The following ZNF276 variants were observed in gnomAD, a reference collection of about 807,000 sequenced individuals.
ZNF276 encodes centromere protein Z.
Under a neutral mutation model 63.9 loss-of-function variants are expected in ZNF276, and 59 were observed. That is an observed-to-expected ratio of 0.92 (90% CI 0.75 to 1.15). The LOEUF (loss-of-function observed/expected upper bound fraction) is 1.15. Ranked by LOEUF, ZNF276 falls within the 50% of genes most tolerant of loss-of-function variation. ZNF276 has a pLI of 0.00. For synonymous variants in ZNF276, 496 were observed against 348.4 expected (o/e 1.42, Z -4.72); for missense variants, 1,084 against 843.8 (o/e 1.28, Z -3.53).
At chr16:89,729,112 A>AT in intron 5 of ZNF276, 123 bp from the exon 6 acceptor site, 1 of 797,126 alleles carries the variant, frequency 1.3e-6, no homozygotes, top group South Asian at 1.7e-5. Context: ...GATTTAAGAC[A>AT]TTTTCAGAAG....
At chr16:89,725,847 C>G (rs1012074268) in intron 4 of ZNF276, among the ~76,000 whole-genome samples, 1 of 152,202 alleles carries the variant, frequency 6.6e-6, no homozygotes, top group Non-Finnish European at 1.5e-5. Context: ...GGGTCTCACT[C>G]TTTTGCCCAG....
intron 9 of ZNF276, 75 bp downstream of exon 9, chr16:89,734,113 C>T (rs1374670733): frequency 5.7e-6 from 8 of 1,392,888 alleles, no homozygotes; most frequent in Non-Finnish European, 8.0e-6. Flanking sequence ...CTTCCTCATA[C>T]CCATCCCCGC....
rs760640860 is a variant in ZNF276 at position 89,733,530 on chromosome 16, C to G, written c.1329C>G (p.Ala443=). 4 of 1,613,998 alleles carry G rather than the reference C, an allele frequency of 2.5e-6. No homozygotes were observed. The highest frequency in any genetic ancestry group is 2.7e-5 in the African/African-American group (2 of 74,938). ...IYKCPYQGCT[A]VYRGADGMKK... is the part of the protein sequence containing the mutation. ...AGTGTCCTTACCAGGGCTGCACGGCCGTGTACCGAGGCGCTGACGGCATGA... is the reference window on the plus strand; with the variant it reads ...AGTGTCCTTACCAGGGCTGCACGGCGGTGTACCGAGGCGCTGACGGCATGA... The change falls in exon 8 of 11, where the codon GCC becomes GCG. Residue 443 remains alanine (A), a synonymous_variant. Transcript: ENST00000443381.
chr16:89,729,392 C>T (rs2061573053), intron 6 of ZNF276, 74 bp downstream of exon 6: 3 of 1,309,860 alleles, frequency 2.3e-6, no homozygotes, highest in South Asian at 1.2e-5. Context: ...TCCAGGGCCT[C>T]TCCCCGGTGC....
At chr16:89,724,373 A>G (rs2061404380) in intron 4 of ZNF276, among the ~76,000 whole-genome samples, 1 of 152,196 alleles carries the variant, frequency 6.6e-6, no homozygotes, top group Non-Finnish European at 1.5e-5. Context: ...GGAGCTTCCG[A>G]AAAGCGTAGC....
chr16:89,740,515 A>C lies in ZNF276; in HGVS notation c.*2269A>C. ...CCGGGTGTGACAGACTCACGCCTGT[A>C]ATCCCAGCTACTCGGGAGGCTGATG... is the stretch of plus-strand genomic sequence containing the variant. On this transcript the variant is annotated 3_prime_UTR_variant, in exon 11 of 11. Transcript: ENST00000443381. 2.0e-6 allele frequency: 1 copy of C among 498,538 alleles called. No individual in the cohort carries two copies. The highest frequency in any genetic ancestry group is 3.6e-6 in the Non-Finnish European group (1 of 277,982). The allele number at this position is 498,538 out of a possible 1,614,324, so 30.9% of individuals were successfully genotyped here. A position where few individuals can be genotyped will look rare whatever the true frequency, so the allele number is the denominator to read the frequency against.
At chr16:89,734,117 T>A in intron 9 of ZNF276, 79 bp downstream of exon 9, 1 of 1,374,420 alleles carries the variant, frequency 7.3e-7, no homozygotes. Flanking sequence ...CTCATACCCA[T>A]CCCCGCCCCA....
chr16:89,723,860 G>C, intron 4 of ZNF276, 151 bp downstream of exon 4: 3 of 867,594 alleles, frequency 3.5e-6, no homozygotes, highest in Non-Finnish European at 5.2e-6. Context: ...GCCTGCGGCT[G>C]CTCACCACAT....
At chr16:89,737,199 C>T (rs1041272876) in intron 9 of ZNF276, among the ~76,000 whole-genome samples, 24 of 152,154 alleles carry the variant, frequency 1.6e-4, no homozygotes, top group Non-Finnish European at 4.4e-5. Context: ...AATCAGTATT[C>T]TATACAACCT....
In ZNF276 at chr16:89,738,711, G is replaced by A. The variant is rs765478990; in HGVS notation, c.*465G>A. On this transcript the variant is annotated 3_prime_UTR_variant, in exon 11 of 11. Transcript: ENST00000443381. ...CAGTCCCCACGATCAGCCAGCAGCT[G>A]TGAGAGAGGAGCAGGTCCTCAGCCC... The A allele has an allele frequency of 5.0e-6, 8 of 1,613,728 alleles. No individual in the cohort carries two copies. The East Asian group carries it at 8.9e-5, about 18-fold the overall frequency.
intron 5 of ZNF276, 24 bp from the exon 6 acceptor site, chr16:89,729,211 T>C: frequency 6.2e-7 from 1 of 1,611,234 alleles, no homozygotes; most frequent in Non-Finnish European, 8.5e-7. Context: ...AGGGCTTTGC[T>C]GAAGATTCTC....
Position 89,740,635 on chromosome 16 carries a change from T to TAAAAAAA in ZNF276, c.*2389_*2390insAAAAAAA, listed in dbSNP as rs2062106411. On this transcript the variant is annotated 3_prime_UTR_variant, in exon 11 of 11. Coordinates refer to ENST00000443381, the MANE Select transcript of ZNF276 (RefSeq NM_001113525.2). ...TGGGTGACAGAGTGAGACCCCCATCTCAAAAAAAAAAAAAAAAAACCCACG... is the reference window on the plus strand; with the variant it reads ...TGGGTGACAGAGTGAGACCCCCATCTAAAAAAACAAAAAAAAAAAAAAAAAACCCACG... 2.0e-6 allele frequency: 1 copy of TAAAAAAA among 507,826 alleles called. No individual in the cohort carries two copies. 31.5% of individuals were successfully genotyped at this position (507,826 alleles called of 1,614,324 possible).
chr16:89,727,347 C>G lies in ZNF276; in HGVS notation c.1075C>G (p.Leu359Val), dbSNP rs1462209521. 34 of 1,613,934 alleles carry G rather than the reference C, an allele frequency of 2.1e-5. No homozygotes were observed. The East Asian group carries it at 7.6e-4, about 36-fold the overall frequency. Residue 359 changes from leucine (L) to valine (V), a missense_variant, in exon 5 of 11, where the codon CTT (leucine) becomes GTT (valine). Physicochemically the swap from Leu to Val is conservative, Grantham distance 32. Transcript: ENST00000443381. ...TCGGGTAAAAGACGAGTTCAGTGAC[C>G]TTTCTGAGGGGTGAGAGAAGAGTGG... Reference protein sequence around the residue: ...DDRVKDEFSDLSEGDVLSEDE... With the variant: ...DDRVKDEFSDVSEGDVLSEDE...
chr16:89,721,557 C>T lies in ZNF276; in HGVS notation c.-84C>T. On this transcript the variant is annotated 5_prime_UTR_variant, in exon 1 of 11. Coordinates refer to ENST00000443381, the MANE Select transcript of ZNF276 (RefSeq NM_001113525.2). ...CCCCCGCCCCGCCTCGCTTCCAGCG[C>T]GCCGAGCGGAGCCTAACGCCGGGTC... The T allele has an allele frequency of 7.5e-6, 10 of 1,337,184 alleles. No homozygotes were observed. The highest frequency in any genetic ancestry group is 1.4e-5 in the South Asian group (1 of 70,642). The allele number at this position is 1,337,184 out of a possible 1,614,324, so 82.8% of individuals were successfully genotyped here.
At chr16:89,732,350 G>A (rs1231773362) in intron 6 of ZNF276, 2 of 152,480 alleles carry the variant, frequency 1.3e-5, no homozygotes, top group Admixed American at 6.5e-5. Context: ...GCGGGGTTGA[G>A]GAATGCTGGG....
Position 89,738,190 on chromosome 16 carries a change from C to T in ZNF276, c.1789C>T (p.Pro597Ser). 3.7e-6 allele frequency: 6 copies of T among 1,611,450 alleles called. No homozygotes were observed. Among genetic ancestry groups the T allele is most frequent in the Non-Finnish European group, 5.1e-6 (6 of 1,179,258 alleles). ...CCTGGAGGCGGAACCACCACCTGGG[C>T]CACCGAGCCCCTCTGTGACCACAGA... ...LPLEAEPPPG[P>S]PSPSVTTEGQ... Residue 597 changes from proline to serine, a missense_variant, in exon 11 of 11, where the codon CCA (proline) becomes TCA (serine). By Grantham distance (74) the Pro-to-Ser change is moderately conservative. Transcript: ENST00000443381.
In ZNF276 at chr16:89,739,835, T is replaced by C. The variant is rs141348543; in HGVS notation, c.*1589T>C. 7.0e-5 allele frequency: 104 copies of C among 1,488,690 alleles called. No individual in the cohort carries two copies. In the East Asian group the frequency reaches 1.2e-3, roughly 17 times the overall value. The allele number at this position is 1,488,690 out of a possible 1,614,324, so 92.2% of individuals were successfully genotyped here. On this transcript the variant is annotated 3_prime_UTR_variant, in exon 11 of 11. Coordinates refer to ENST00000443381, the MANE Select transcript of ZNF276 (RefSeq NM_001113525.2). ...ACCAGTGAGCCAGTAAATTATCTTA[T>C]TGCTTTAAACAAGTTTGTGCTTAAT...
rs2061289192 is a variant in ZNF276, at chr16:89,721,824, G to C, written c.184G>C (p.Glu62Gln). 1 of 1,224,964 alleles carries C rather than the reference G, an allele frequency of 8.2e-7. No individual in the cohort carries two copies. Among genetic ancestry groups the C allele is most frequent in the South Asian group, 3.8e-5 (1 of 26,352 alleles). The allele number at this position is 1,224,964 out of a possible 1,614,324, so 75.9% of individuals were successfully genotyped here. A position where few individuals can be genotyped will look rare whatever the true frequency, so the allele number is the denominator to read the frequency against. Residue 62 changes from glutamate (E) to glutamine (Q), a missense_variant, in exon 1 of 11, where the codon GAG becomes CAG. Glu to Gln is a conservative substitution (Grantham distance 29). Transcript: ENST00000443381. ...GPVGSCGDAG[E>Q]DGADEAGAGR... ...GGTGGGGTCCTGCGGGGACGCGGGC[G>C]AGGACGGCGCGGACGAGGCAGGTGG...
chr16:89,735,830 T>G (rs991462007), intron 9 of ZNF276, among the ~76,000 whole-genome samples: 2 of 152,032 alleles, frequency 1.3e-5, no homozygotes, highest in African/African-American at 4.8e-5. Flanking sequence ...TTCTCCTGTC[T>G]CAGCCTCCTG....
Sources: gnomAD v4.1 joint callset for allele counts (sites outside exome capture counted in the v4.1 genomes callset) on GRCh38, gnomAD v4.1.1 for gene constraint, MANE v1.5 for transcripts, NCBI Gene and HGNC (gene_info 2026-07-23, HGNC 2026-07-21) for gene names.